ADAMTS3: variants seen among roughly 807,000 people sequenced by gnomAD.
ADAMTS3 encodes ADAM metallopeptidase with thrombospondin type 1 motif 3, also known as A disintegrin and metalloproteinase with thrombospondin motifs 3.
ADAMTS3 carries 73 observed loss-of-function variants against 129.0 expected under a neutral mutation model. That is an observed-to-expected ratio of 0.57 (90% CI 0.47 to 0.69). The LOEUF is 0.69. Ranked by LOEUF, ADAMTS3 falls within the 30% of genes least tolerant of loss-of-function variation. The pLI is 0.00. For synonymous variants in ADAMTS3, 477 were observed against 510.8 expected, an observed-to-expected ratio of 0.93 and a Z score of 0.89; for missense variants, 1,457 against 1,514.5, an observed-to-expected ratio of 0.96 and a Z score of 0.63.
chr4:72,505,632 G>A (rs902999664), intron 3 of ADAMTS3, among the ~76,000 whole-genome samples: 1 of 152,104 alleles, frequency 6.6e-6, no homozygotes, highest in Admixed American at 6.5e-5. Flanking sequence ...ACATGCACAA[G>A]TGCTAAGAGA....
At chr4:72,314,576 TCAA>T (rs1455166195) in intron 11 of ADAMTS3, among the ~76,000 whole-genome samples, 1 of 152,192 alleles carries the variant, frequency 6.6e-6, no homozygotes, top group Admixed American at 6.5e-5. Flanking sequence ...TTGTTAAAAC[TCAA>T]CTTCTATAAA....
At chr4:72,500,208 T>C (rs1021041329) in intron 3 of ADAMTS3, among the ~76,000 whole-genome samples, 5 of 152,156 alleles carry the variant, frequency 3.3e-5, no homozygotes, top group Admixed American at 2.0e-4. Flanking sequence ...CTGATTTCCA[T>C]AGTGGCTGGA....
intron 21 of ADAMTS3, among the ~76,000 whole-genome samples, chr4:72,284,413 C>T (rs1335513548): frequency 6.7e-6 from 1 of 149,764 alleles, no homozygotes; most frequent in Non-Finnish European, 1.5e-5. Context: ...CCACTGCACT[C>T]CAGCCTGGGT....
chr4:72,320,942 A>G, intron 6 of ADAMTS3, 72 bp from the exon 7 acceptor site: 2 of 1,480,990 alleles, frequency 1.4e-6, no homozygotes, highest in South Asian at 1.3e-5. Flanking sequence ...TTTCCTCTGA[A>G]GCTGAATTTG....
chr4:72,417,773 A>AC (rs1722341670), intron 3 of ADAMTS3, among the ~76,000 whole-genome samples: 2 of 151,258 alleles, frequency 1.3e-5, no homozygotes, highest in African/African-American at 2.4e-5. Flanking sequence ...TACTAAAAAT[A>AC]CAAAAAAAAA....
At chr4:72,486,118 T>C (rs1444537290) in intron 3 of ADAMTS3, among the ~76,000 whole-genome samples, 5 of 152,210 alleles carry the variant, frequency 3.3e-5, no homozygotes, top group African/African-American at 7.2e-5. Flanking sequence ...CTGTATATAG[T>C]AGTAGACTTA....
chr4:72,437,353 G>A (rs1717971060), intron 3 of ADAMTS3, among the ~76,000 whole-genome samples: 2 of 151,706 alleles, frequency 1.3e-5, no homozygotes, highest in Admixed American at 6.6e-5. Context: ...CACGTACATC[G>A]AAAATTTATC....
intron 3 of ADAMTS3, among the ~76,000 whole-genome samples, chr4:72,521,454 A>C (rs1339083818): frequency 6.6e-6 from 1 of 152,208 alleles, no homozygotes; most frequent in Non-Finnish European, 1.5e-5. Context: ...AAAGGTATTA[A>C]AAGCAGTGAG....
intron 4 of ADAMTS3, among the ~76,000 whole-genome samples, chr4:72,354,435 G>A (rs948157408): frequency 6.6e-6 from 1 of 151,836 alleles, no homozygotes; most frequent in African/African-American, 2.4e-5. Context: ...TATTGATTCA[G>A]TTTTTAACCC....
Position 72,306,009 on chromosome 4 carries a change from G to C in ADAMTS3, c.2238C>G (p.Asp746Glu), listed in dbSNP as rs751743530. The C allele has an allele frequency of 6.2e-7, 1 of 1,611,600 alleles. No individual in the cohort carries two copies. Residue 746 changes from aspartate to glutamate, a missense_variant, in exon 16 of 22, where the codon GAC becomes GAG. By Grantham distance (45) the Asp-to-Glu change is conservative. Transcript: ENST00000286657. Reference sequence around the variant, plus strand: ...TACCAAGAATATGAGGAGAAGCCTCGTCTTCTTGGATTAACACATGTCTAG... The same window carrying C: ...TACCAAGAATATGAGGAGAAGCCTCCTCTTCTTGGATTAACACATGTCTAG... ...PGARHVLIQE[D>E]EASPHILAIK... is the part of the protein sequence containing the mutation.
chr4:72,541,813 G>A (rs1721334138), intron 3 of ADAMTS3, among the ~76,000 whole-genome samples: 1 of 152,110 alleles, frequency 6.6e-6, no homozygotes, highest in Non-Finnish European at 1.5e-5. Flanking sequence ...TAGCCATGTG[G>A]AACTGTGAGT....
At position 72,364,833 on chromosome 4, in the gene ADAMTS3, C is replaced by T. The variant is rs1277356123; in HGVS notation, c.662-25140G>A. Among the ~76,000 whole-genome samples the T allele has an allele frequency of 3.9e-5, 6 of 152,110 alleles. No homozygotes were observed. In the East Asian group the frequency reaches 1.2e-3, roughly 29 times the overall value. The stretch of plus-strand genomic sequence containing the variant: ...CAAACTCATGGCCTGAAGTGATTCT[C>T]CTACCTCAGCCTCCCAAAGTGCTGG... On this transcript the variant is annotated intron_variant, in intron 4 of 21. Coordinates refer to ENST00000286657, the MANE Select transcript of ADAMTS3 (RefSeq NM_014243.3).
rs1719020344 is a variant in ADAMTS3 at position 72,303,980 on chromosome 4, G to A, written c.2361C>T (p.Asn787=). Residue 787 remains asparagine (N), a synonymous_variant, in exon 17 of 22, where the codon AAC becomes AAT. Transcript: ENST00000286657. ...GAAGACTTTCAATGTCATCTTCAAT[G>A]TTATAATCCCACTCCACACCAAGAT... The part of the protein sequence containing the change: ...FIDLGVEWDY[N]IEDDIESLHT... 3 of 1,613,594 alleles carry A rather than the reference G, an allele frequency of 1.9e-6. No homozygotes were observed. The highest frequency in any genetic ancestry group is 2.5e-6 in the Non-Finnish European group (3 of 1,179,770).
chr4:72,290,307 T>C (rs1010810433), intron 20 of ADAMTS3, among the ~76,000 whole-genome samples: 1 of 152,158 alleles, frequency 6.6e-6, no homozygotes, highest in Non-Finnish European at 1.5e-5. Context: ...ATTTCAGATA[T>C]ACAGGAGGAA....
intron 4 of ADAMTS3, among the ~76,000 whole-genome samples, chr4:72,349,301 C>T (rs1247352375): frequency 6.6e-6 from 1 of 151,994 alleles, no homozygotes; most frequent in East Asian, 1.9e-4. Flanking sequence ...ATTGTTATGG[C>T]TGTTTGATCA....
intron 3 of ADAMTS3, among the ~76,000 whole-genome samples, chr4:72,463,440 T>A (rs928897318): frequency 6.6e-6 from 1 of 152,014 alleles, no homozygotes; most frequent in Non-Finnish European, 1.5e-5. Flanking sequence ...AGCAGAAGCA[T>A]ACATTGTAAT....
intron 3 of ADAMTS3, among the ~76,000 whole-genome samples, chr4:72,539,936 T>C (rs1379276041): frequency 6.6e-6 from 1 of 152,146 alleles, no homozygotes; most frequent in Non-Finnish European, 1.5e-5. Flanking sequence ...GATACATCTG[T>C]ATCAGCAGCG....
intron 3 of ADAMTS3, among the ~76,000 whole-genome samples, chr4:72,429,394 A>T (rs1486507392): frequency 2.0e-5 from 3 of 152,094 alleles, no homozygotes; most frequent in Non-Finnish European, 4.4e-5. Context: ...TCTTTCATTC[A>T]GTAGAAAAGC....
chr4:72,450,614 A>T (rs1718370292), intron 3 of ADAMTS3, among the ~76,000 whole-genome samples: 1 of 151,768 alleles, frequency 6.6e-6, no homozygotes, highest in African/African-American at 2.4e-5. Context: ...AATAAACATA[A>T]GAATTGTCAT....
Sources: gnomAD v4.1 joint callset for allele counts (sites outside exome capture counted in the v4.1 genomes callset) on GRCh38, gnomAD v4.1.1 for gene constraint, MANE v1.5 for transcripts, NCBI Gene and HGNC (gene_info 2026-07-23, HGNC 2026-07-21) for gene names.